COL10A1: variants seen among roughly 807,000 people sequenced by gnomAD.
COL10A1 encodes the protein collagen alpha-1(X) chain.
Under a neutral mutation model 18.2 loss-of-function variants are expected in COL10A1, and 10 were observed. That is an observed-to-expected ratio of 0.55 (90% confidence interval 0.34 to 0.93). The LOEUF is 0.93. COL10A1 is among the 40% of genes least tolerant of loss of function. The pLI is 0.02. For missense variants in COL10A1, 897 were observed against 853.5 expected (o/e 1.05, Z -0.64); for synonymous variants, 330 against 316.6 (o/e 1.04, Z -0.45).
At chr6:116,142,865 C>G (rs1172870002) in intron 1 of COL10A1, among the ~76,000 whole-genome samples, 1 of 152,096 alleles carries the variant, frequency 6.6e-6, no homozygotes, top group Non-Finnish European at 1.5e-5. Flanking sequence ...TACATCTGTC[C>G]CAGTTGCTTC....
the COL10A1 span, among the ~76,000 whole-genome samples, chr6:116,212,934 G>A: frequency 6.6e-6 from 1 of 152,160 alleles, no homozygotes; most frequent in African/African-American, 2.4e-5. Flanking sequence ...TTTATATGCA[G>A]TAGAAACCTT....
intron 1 of COL10A1, among the ~76,000 whole-genome samples, chr6:116,157,451 GT>G (rs1293735335): frequency 6.6e-6 from 1 of 152,186 alleles, no homozygotes. Context: ...TTGAAACTAT[GT>G]TGAAAAAGCT....
At chr6:116,171,164 TG>T in the COL10A1 span, among the ~76,000 whole-genome samples, 10 of 152,328 alleles carry the variant, frequency 6.6e-5, no homozygotes, top group South Asian at 2.1e-3. Context: ...AATGAATATA[TG>T]TAAGGTTAAA....
chr6:116,191,982 C>T, the COL10A1 span, among the ~76,000 whole-genome samples: 3 of 151,978 alleles, frequency 2.0e-5, no homozygotes, highest in Non-Finnish European at 4.4e-5. Context: ...GTAGAAATTA[C>T]GAGCAAACAT....
At chr6:116,192,793 T>C in the COL10A1 span, among the ~76,000 whole-genome samples, 1 of 152,040 alleles carries the variant, frequency 6.6e-6, no homozygotes, top group Admixed American at 6.6e-5. Flanking sequence ...TATTACGATT[T>C]CCTCCTGGTA....
intron 1 of COL10A1, among the ~76,000 whole-genome samples, chr6:116,151,952 T>C (rs910010877): frequency 1.3e-5 from 2 of 152,206 alleles, no homozygotes; most frequent in Non-Finnish European, 2.9e-5. Flanking sequence ...TTGGGGAGTA[T>C]TGATGCCAAC....
the COL10A1 span, among the ~76,000 whole-genome samples, chr6:116,205,657 GT>G: frequency 6.6e-6 from 1 of 151,928 alleles, no homozygotes; most frequent in Non-Finnish European, 1.5e-5. Flanking sequence ...TAAACCAGCT[GT>G]TTGTGTAGTT....
intron 1 of COL10A1, among the ~76,000 whole-genome samples, chr6:116,132,630 C>T (rs969425106): frequency 6.6e-6 from 1 of 152,132 alleles, no homozygotes; most frequent in African/African-American, 2.4e-5. Flanking sequence ...TGCACATCCC[C>T]TGGCCTAATG....
rs750246457 is a variant in COL10A1, at chr6:116,121,858, T to C, written c.258A>G (p.Gly86=). ...CTGGCTCTCCTTGGAGTCCAGGACT[T>C]CCGTAGCCTGGTTTTCCTGGTGGTC... ...PSGPPGKPGY[G]SPGLQGEPGL... The change falls in exon 3 of 3, where the codon GGA becomes GGG. Residue 86 remains glycine (G), a synonymous_variant. Coordinates refer to ENST00000651968, the MANE Select transcript of COL10A1 (RefSeq NM_000493.4). 6.2e-7 allele frequency: 1 copy of C among 1,613,880 alleles called. No individual in the cohort carries two copies. The highest frequency in any genetic ancestry group is 8.5e-7 in the Non-Finnish European group (1 of 1,179,942).
chr6:116,156,772 A>G (rs1449604619), intron 1 of COL10A1, among the ~76,000 whole-genome samples: 3 of 152,198 alleles, frequency 2.0e-5, no homozygotes, highest in Non-Finnish European at 2.9e-5. Flanking sequence ...AATATCCAAG[A>G]TATCTATGGA....
intron 1 of COL10A1, among the ~76,000 whole-genome samples, chr6:116,141,914 AC>A (rs1484484153): frequency 4.0e-5 from 6 of 151,224 alleles, no homozygotes; most frequent in African/African-American, 1.5e-4. Context: ...ACACACACAC[AC>A]ACACACACAC....
At chr6:116,182,235 G>GTGTGTGTGTGTGTGTA in the COL10A1 span, among the ~76,000 whole-genome samples, 650 of 151,418 alleles carry the variant, frequency 4.3e-3, 7 homozygotes, top group East Asian at 0.024. Flanking sequence ...GTGTGTGTGT[G>GTGTGTGTGTGTGTGTA]TGTGTGTGTG....
chr6:116,178,601 T>C, the COL10A1 span, among the ~76,000 whole-genome samples: 1 of 152,366 alleles, frequency 6.6e-6, no homozygotes, highest in African/African-American at 2.4e-5. Flanking sequence ...TTCCCACCTT[T>C]TACTCTGAAG....
At chr6:116,200,272 A>G in the COL10A1 span, among the ~76,000 whole-genome samples, 5 of 152,068 alleles carry the variant, frequency 3.3e-5, no homozygotes, top group Non-Finnish European at 7.4e-5. Context: ...GTCTGAAACT[A>G]TGTCACGGTC....
At position 116,120,538 on chromosome 6, in the gene COL10A1, T is replaced by C; in HGVS notation, c.1578A>G (p.Ile526Met). ...AAAGACTGGGCCTTTGGCCTGCCTTTATAAAACCCTCAGGCATGACTGCTT... is the reference window on the plus strand; with the variant it reads ...AAAGACTGGGCCTTTGGCCTGCCTTCATAAAACCCTCAGGCATGACTGCTT... ...PGQAVMPEGF[I>M]KAGQRPSLSG... The change falls in exon 3 of 3, where the codon ATA (isoleucine) becomes ATG (methionine). Residue 526 changes from isoleucine to methionine, a missense_variant. Physicochemically the swap from Ile to Met is conservative, Grantham distance 10. Coordinates refer to ENST00000651968, the MANE Select transcript of COL10A1 (RefSeq NM_000493.4). 1 of 1,613,886 alleles carries C rather than the reference T, an allele frequency of 6.2e-7. No individual in the cohort carries two copies. Among genetic ancestry groups the C allele is most frequent in the Non-Finnish European group, 8.5e-7 (1 of 1,179,894 alleles).
At chr6:116,150,043 G>A (rs751866873) in intron 1 of COL10A1, among the ~76,000 whole-genome samples, 15 of 152,140 alleles carry the variant, frequency 9.9e-5, no homozygotes, top group Non-Finnish European at 1.5e-4. Flanking sequence ...AGGCTTGTGG[G>A]CCATAAGTGT....
chr6:116,180,847 A>G, the COL10A1 span, among the ~76,000 whole-genome samples: 2 of 152,174 alleles, frequency 1.3e-5, no homozygotes, highest in Admixed American at 6.6e-5. Context: ...GTATCAACCA[A>G]TTGCAATTTG....
Position 116,152,523 on chromosome 6 carries a change from G to A in COL10A1, c.-16+6091C>T, listed in dbSNP as rs1052542887. 1.6e-4 allele frequency among the ~76,000 whole-genome samples: 25 copies of A among 152,200 alleles called. 1 individual carries two copies. In the South Asian group the frequency reaches 2.9e-3, roughly 18 times the overall value. ...AGAATGAGGCACGATGGGGTCTCCAGGGCAGTCTGACTCCTGTGTACTGGA... is the reference window on the plus strand; with the variant it reads ...AGAATGAGGCACGATGGGGTCTCCAAGGCAGTCTGACTCCTGTGTACTGGA... On this transcript the variant is annotated intron_variant, in intron 1 of 1. Coordinates refer to the COL10A1 transcript ENST00000418500.
chr6:116,179,288 T>C, the COL10A1 span, among the ~76,000 whole-genome samples: 1 of 152,290 alleles, frequency 6.6e-6, no homozygotes, highest in South Asian at 2.1e-4. Flanking sequence ...TGAAGAATTC[T>C]GAAAACTGCA....
Sources: gnomAD v4.1 joint callset for allele counts (sites outside exome capture counted in the v4.1 genomes callset) on GRCh38, gnomAD v4.1.1 for gene constraint, MANE v1.5 for transcripts, NCBI Gene and HGNC (gene_info 2026-07-23, HGNC 2026-07-21) for gene names.